The following CCDC171 variants were observed in gnomAD, a reference collection of about 807,000 sequenced individuals.
CCDC171 encodes the protein coiled-coil domain-containing protein 171.
In CCDC171, 177 loss-of-function variants were observed where a neutral mutation model predicts 168.2. The observed-to-expected ratio is 1.05, with a 90% CI of 0.93 to 1.19. The LOEUF is 1.19. Ranked by LOEUF, CCDC171 falls within the 50% of genes most tolerant of loss-of-function variation. The probability of loss-of-function intolerance (pLI) is 0.00; values close to 1 mark genes in which losing one functional copy is unlikely to be tolerated. For synonymous variants in CCDC171, 687 were observed against 540.8 expected, an observed-to-expected ratio of 1.27 and a Z score of -3.75; for missense variants, 1,991 against 1,539.0, an observed-to-expected ratio of 1.29 and a Z score of -4.91.
intron 6 of CCDC171, among the ~76,000 whole-genome samples, chr9:15,615,963 T>C (rs982040181): frequency 6.6e-6 from 1 of 152,028 alleles, no homozygotes; most frequent in Non-Finnish European, 1.5e-5. Context: ...ATTTATTTAT[T>C]ATTTTGAGAT....
At chr9:15,597,092 C>G (rs1296355432) in intron 6 of CCDC171, among the ~76,000 whole-genome samples, 3 of 152,076 alleles carry the variant, frequency 2.0e-5, no homozygotes, top group African/African-American at 7.2e-5. Context: ...CATCTGCAAA[C>G]AGGGACAATT....
At chr9:15,628,474 G>A (rs1197819316) in intron 7 of CCDC171, among the ~76,000 whole-genome samples, 3 of 152,214 alleles carry the variant, frequency 2.0e-5, no homozygotes, top group Non-Finnish European at 4.4e-5. Context: ...CGAGGCTAGG[G>A]GAGGGGCGGC....
chr9:16,052,118 C>T (rs1392057805), intron 1 of CCDC171, among the ~76,000 whole-genome samples: 1 of 152,212 alleles, frequency 6.6e-6, no homozygotes, highest in Non-Finnish European at 1.5e-5. Flanking sequence ...GGTGGGGACA[C>T]AGCCAAACCA....
At chr9:16,087,421 G>A in the CCDC171 span, among the ~76,000 whole-genome samples, 1 of 152,104 alleles carries the variant, frequency 6.6e-6, no homozygotes, top group African/African-American at 2.4e-5. Flanking sequence ...CCCTGTATTG[G>A]CTGCAAATAT....
intron 16 of CCDC171, among the ~76,000 whole-genome samples, chr9:15,738,233 G>A (rs1020161475): frequency 6.6e-6 from 1 of 152,148 alleles, no homozygotes; most frequent in Non-Finnish European, 1.5e-5. Context: ...TTCACAGAGT[G>A]CTGTAAGCCA....
chr9:15,757,021 G>A (rs2056163276), intron 18 of CCDC171, among the ~76,000 whole-genome samples: 1 of 152,194 alleles, frequency 6.6e-6, no homozygotes, highest in African/African-American at 2.4e-5. Flanking sequence ...TTTATCAGCA[G>A]TGTGAAAATG....
At chr9:15,937,268 TC>T (rs1369728740) in intron 25 of CCDC171, among the ~76,000 whole-genome samples, 1 of 152,028 alleles carries the variant, frequency 6.6e-6, no homozygotes, top group Non-Finnish European at 1.5e-5. Context: ...GTTTGAAACT[TC>T]CTTTGCCTCA....
intron 11 of CCDC171, among the ~76,000 whole-genome samples, chr9:15,696,781 C>T (rs576055599): frequency 6.6e-6 from 1 of 152,226 alleles, no homozygotes; most frequent in Admixed American, 6.5e-5. Flanking sequence ...TATTACTAAG[C>T]CTACAGAATT....
chr9:15,984,197 C>CAGGTGGGCAACAAGATAAGAAAGAAGG (rs372415223), intron 3 of CCDC171, among the ~76,000 whole-genome samples: 37 of 152,030 alleles, frequency 2.4e-4, no homozygotes, highest in Middle Eastern at 3.4e-3. Context: ...ATCTGGAGCC[C>CAGGTGGGCAACAAGATAAGAAAGAAGG]TAAGACCTGC....
Position 15,821,561 on chromosome 9 carries a change from C to A in CCDC171, c.3268-25141C>A, listed in dbSNP as rs561694959. On this transcript the variant is annotated intron_variant, in intron 21 of 25. Coordinates refer to ENST00000380701, the MANE Select transcript of CCDC171 (RefSeq NM_173550.4). The stretch of plus-strand genomic sequence containing the variant: ...ACCAATAACAGACAAACAGCCAAAT[C>A]ATGAGTGAACTCCCATTCACAATTG... Among the ~76,000 whole-genome samples, 344 of 117,022 alleles carry A rather than the reference C, an allele frequency of 2.9e-3. 95 individuals are homozygous for A. Among genetic ancestry groups the A allele is most frequent in the African/African-American group, 9.9e-3 (308 of 31,230 alleles). The allele number at this position is 117,022 out of a possible 152,430, so 76.8% of individuals were successfully genotyped here. A position where few individuals can be genotyped will look rare whatever the true frequency, so the allele number is the denominator to read the frequency against.
intron 4 of CCDC171, among the ~76,000 whole-genome samples, chr9:15,579,745 T>C (rs1475627128): frequency 6.6e-6 from 1 of 152,140 alleles, no homozygotes; most frequent in Non-Finnish European, 1.5e-5. Context: ...TATATTCTTT[T>C]TTTTCTGGCT....
intron 11 of CCDC171, among the ~76,000 whole-genome samples, chr9:15,720,959 A>G (rs1425857675): frequency 6.6e-6 from 1 of 152,202 alleles, no homozygotes; most frequent in Non-Finnish European, 1.5e-5. Context: ...TGTCCTTGTG[A>G]TAGTTTGAAT....
chr9:15,822,187 A>G (rs2059804209), intron 21 of CCDC171, among the ~76,000 whole-genome samples: 1 of 152,202 alleles, frequency 6.6e-6, no homozygotes, highest in Admixed American at 6.5e-5. Context: ...TTAATTCAAG[A>G]TGGATTAACG....
chr9:15,559,165 T>G (rs1417563023), intron 1 of CCDC171, among the ~76,000 whole-genome samples: 1 of 152,172 alleles, frequency 6.6e-6, no homozygotes, highest in East Asian at 1.9e-4. Context: ...ATGTGGTCAA[T>G]TTTGGAATAA....
intron 7 of CCDC171, among the ~76,000 whole-genome samples, chr9:15,648,618 A>C (rs995752810): frequency 1.3e-5 from 2 of 152,224 alleles, no homozygotes; most frequent in African/African-American, 4.8e-5. Context: ...AGAAGCAGAG[A>C]GCCAACTCAT....
At chr9:15,864,373 A>G (rs1036974158) in intron 23 of CCDC171, among the ~76,000 whole-genome samples, 1 of 152,038 alleles carries the variant, frequency 6.6e-6, no homozygotes, top group Non-Finnish European at 1.5e-5. Flanking sequence ...GGTTTGTTAC[A>G]TATGTATACA....
At chr9:16,060,314 G>C (rs1043584134) in intron 1 of CCDC171, among the ~76,000 whole-genome samples, 2 of 152,206 alleles carry the variant, frequency 1.3e-5, no homozygotes, top group African/African-American at 4.8e-5. Flanking sequence ...AGGAAAAACG[G>C]AGCGATGACC....
chr9:16,054,431 G>A (rs574654543), intron 1 of CCDC171, among the ~76,000 whole-genome samples: 5 of 152,242 alleles, frequency 3.3e-5, no homozygotes, highest in African/African-American at 7.2e-5. Flanking sequence ...TCAAGGACTC[G>A]TAGGAGGGCA....
At chr9:15,647,493 C>T (rs1438351248) in intron 7 of CCDC171, among the ~76,000 whole-genome samples, 2 of 151,872 alleles carry the variant, frequency 1.3e-5, no homozygotes, top group Non-Finnish European at 2.9e-5. Flanking sequence ...AATTGCTAGA[C>T]CACTAGCAAG....
Sources: allele counts gnomAD v4.1 joint callset (sites outside exome capture counted in the v4.1 genomes callset), GRCh38; gene constraint gnomAD v4.1.1; transcripts MANE v1.5; gene names NCBI Gene and HGNC (gene_info 2026-07-23, HGNC 2026-07-21).